The following LRP5 variants were observed in gnomAD, a reference collection of about 807,000 sequenced individuals.
LRP5 encodes the protein low-density lipoprotein receptor-related protein 5.
Under a neutral mutation model 154.1 loss-of-function variants are expected in LRP5, and 62 were observed. The observed-to-expected ratio is 0.40, with a 90% CI of 0.33 to 0.50. The LOEUF (loss-of-function observed/expected upper bound fraction) is 0.50, where lower values mean the gene tolerates loss of function less well. Among genes scored for constraint, LRP5 ranks in the 20% least tolerant of loss-of-function variants. The pLI is 0.55. For missense variants in LRP5, 1,915 were observed against 2,336.7 expected, an observed-to-expected ratio of 0.82 and a Z score of 3.72; for synonymous variants, 966 against 1,011.5, an observed-to-expected ratio of 0.96 and a Z score of 0.85.
chr11:68,385,735 T>C (rs1235403024), intron 5 of LRP5, among the ~76,000 whole-genome samples: 2 of 152,076 alleles, frequency 1.3e-5, no homozygotes, highest in Non-Finnish European at 2.9e-5. Context: ...AAGAGGGCGA[T>C]TCACTTGAAG....
Position 68,383,719 on chromosome 11 carries a change from G to A in LRP5, c.1016-2597G>A, listed in dbSNP as rs1220648792. 3.3e-5 allele frequency among the ~76,000 whole-genome samples: 5 copies of A among 152,224 alleles called. No homozygotes were observed. In the South Asian group the frequency reaches 1.0e-3, roughly 32 times the overall value. ...GTGCCAGGACCCCAGTGAGGGTGGC[G>A]CCCTCGCCATGAGGCCGACTGTTGG... is the stretch of plus-strand genomic sequence containing the variant. On this transcript the variant is annotated intron_variant, in intron 5 of 22. Coordinates refer to ENST00000294304, the MANE Select transcript of LRP5 (RefSeq NM_002335.4).
chr11:68,367,345 G>A (rs2098631651), intron 5 of LRP5, among the ~76,000 whole-genome samples: 1 of 152,202 alleles, frequency 6.6e-6, no homozygotes, highest in Non-Finnish European at 1.5e-5. Context: ...ACAGCAGGTG[G>A]CATAGTAGGT....
intron 2 of LRP5, among the ~76,000 whole-genome samples, chr11:68,352,256 T>C (rs578181121): frequency 1.3e-5 from 2 of 152,276 alleles, no homozygotes; most frequent in South Asian, 4.1e-4. Flanking sequence ...CTGGATTTGC[T>C]GGCACTCTGC....
Position 68,426,192 on chromosome 11 carries a change from G to A in LRP5, c.3637+5G>A, listed in dbSNP as rs762288444. On this transcript the variant is annotated splice_donor_5th_base_variant and intron_variant, in intron 16 of 22. Coordinates refer to ENST00000294304, the MANE Select transcript of LRP5 (RefSeq NM_002335.4). ...AAGTCAGCCTGGAGGAGTTCTGTAC[G>A]TGGGGGCTGGCAGTGGGGTGGGCAG... The A allele has an allele frequency of 3.4e-5, 54 of 1,609,536 alleles. No homozygotes were observed. Among genetic ancestry groups the A allele is most frequent in the Non-Finnish European group, 4.3e-5 (51 of 1,179,326 alleles).
At chr11:68,436,665 G>A (rs1021676474) in intron 18 of LRP5, among the ~76,000 whole-genome samples, 5 of 152,162 alleles carry the variant, frequency 3.3e-5, no homozygotes, top group African/African-American at 1.2e-4. Flanking sequence ...GGCAGGAGGT[G>A]CGTTGAGGTC....
rs139048239 is a variant in LRP5 at position 68,370,281 on chromosome 11, T to C, written c.1015+4579T>C. ...AAGGGCATTGCGCTCCTTCTGCAAA[T>C]GTAATTCCCAGTCTCCATGTCCAGG... On this transcript the variant is annotated intron_variant, in intron 5 of 22. Transcript: ENST00000294304. Among the ~76,000 whole-genome samples, 1,093 of 152,090 alleles carry C rather than the reference T, an allele frequency of 7.2e-3. 13 individuals are homozygous for C. Among genetic ancestry groups the C allele is most frequent in the African/African-American group, 0.025 (1,038 of 41,472 alleles).
In LRP5 at chr11:68,439,789, G is replaced by C. The variant is rs2098677119; in HGVS notation, c.4361G>C (p.Gly1454Ala). Residue 1454 changes from glycine to alanine, a missense_variant, in exon 21 of 23, where the codon GGA (glycine) becomes GCA (alanine). Gly to Ala is a moderately conservative substitution (Grantham distance 60). Transcript: ENST00000294304. Reference sequence around the variant, plus strand: ...CCTTCCCTGCCAGGCATCGCATGCGGAAAGTCCATGATGAGCTCCGTGAGC... The same window carrying C: ...CCTTCCCTGCCAGGCATCGCATGCGCAAAGTCCATGATGAGCTCCGTGAGC... ...QHGPFTGIAC[G>A]KSMMSSVSLM... is the part of the protein sequence containing the mutation. 5 of 1,611,374 alleles carry C rather than the reference G, an allele frequency of 3.1e-6. No homozygotes were observed. In the Admixed American group the frequency reaches 8.4e-5, roughly 27 times the overall value.
At position 68,447,005 on chromosome 11, in the gene LRP5, C is replaced by T. The variant is rs1262274051; in HGVS notation, c.4586+472C>T. On this transcript the variant is annotated intron_variant, in intron 22 of 22. Coordinates refer to ENST00000294304, the MANE Select transcript of LRP5 (RefSeq NM_002335.4). This position sits in a 1 kb window ranked among gnomAD's most constrained non-coding sequence, Gnocchi z 4.3. ...TGTGACGTCACCAGGATGGTCCGGG[C>T]TGCTCACTTGCCACAGTGGCCTGTT... 4 of 207,290 alleles carry T rather than the reference C, an allele frequency of 1.9e-5. No homozygotes were observed. In the East Asian group the frequency reaches 5.1e-4, roughly 26 times the overall value. 12.8% of individuals were successfully genotyped at this position (207,290 alleles called of 1,614,324 possible). A position where few individuals can be genotyped will look rare whatever the true frequency, so the allele number is the denominator to read the frequency against.
At chr11:68,363,702 G>A (rs773490977) in intron 3 of LRP5, 45 bp from the exon 4 acceptor site, 3 of 1,518,478 alleles carry the variant, frequency 2.0e-6, no homozygotes, top group Non-Finnish European at 2.7e-6. Context: ...ATGACTGTCG[G>A]GGGACCCTCC....
chr11:68,330,054 G>A (rs183991076), intron 1 of LRP5, among the ~76,000 whole-genome samples: 1 of 152,276 alleles, frequency 6.6e-6, no homozygotes, highest in East Asian at 1.9e-4. Context: ...ATATTCCCTA[G>A]CAGCTTGTCC....
intron 6 of LRP5, among the ~76,000 whole-genome samples, 170 bp from the exon 7 acceptor site, chr11:68,389,711 C>A (rs1194649775): frequency 6.7e-6 from 1 of 150,302 alleles, no homozygotes; most frequent in Non-Finnish European, 1.5e-5. Flanking sequence ...CTGATGTTTA[C>A]CAACACCGAC....
chr11:68,365,195 G>T (rs546858966), intron 4 of LRP5, among the ~76,000 whole-genome samples: 4 of 152,212 alleles, frequency 2.6e-5, no homozygotes, highest in Admixed American at 2.6e-4. Context: ...AGCCTTTGCA[G>T]AGGGGTGTCC....
rs539718603 is a variant in LRP5 at position 68,374,142 on chromosome 11, G to A, written c.1015+8440G>A. On this transcript the variant is annotated intron_variant, in intron 5 of 22. Transcript: ENST00000294304. ...AAGTCGGGGATGGAGTGGGGGCAGCGGGAGGAACAGAGGGGGCCACTGTCG... is the reference window on the plus strand; with the variant it reads ...AAGTCGGGGATGGAGTGGGGGCAGCAGGAGGAACAGAGGGGGCCACTGTCG... Among the ~76,000 whole-genome samples the A allele has an allele frequency of 5.9e-5, 9 of 152,304 alleles. No homozygotes were observed. In the East Asian group the frequency reaches 7.7e-4, roughly 13 times the overall value.
intron 5 of LRP5, among the ~76,000 whole-genome samples, chr11:68,382,683 C>CAT (rs2098640896): frequency 6.6e-6 from 1 of 152,086 alleles, no homozygotes; most frequent in Non-Finnish European, 1.5e-5. Context: ...AAGTGAAAAA[C>CAT]GCACTTCCTG....
At chr11:68,441,959 C>CA (rs2098678410) in intron 21 of LRP5, among the ~76,000 whole-genome samples, 1 of 152,190 alleles carries the variant, frequency 6.6e-6, no homozygotes, top group Non-Finnish European at 1.5e-5. Flanking sequence ...TCAAAAGATA[C>CA]AGAAGAGTCT....
At chr11:68,391,028 C>T (rs149675566) in intron 7 of LRP5, among the ~76,000 whole-genome samples, 1,809 of 152,308 alleles carry the variant, frequency 0.012, 36 homozygotes, top group African/African-American at 0.042. Context: ...AGTGCAGTGG[C>T]GCGATCTCAG....
Position 68,436,899 on chromosome 11 carries a change from G to T in LRP5, c.4011G>T (p.Leu1337=), listed in dbSNP as rs764105501. 6.2e-7 allele frequency: 1 copy of T among 1,613,480 alleles called. No homozygotes were observed. The highest frequency in any genetic ancestry group is 8.5e-7 in the Non-Finnish European group (1 of 1,179,856). Residue 1337 remains leucine, a synonymous_variant, in exon 19 of 23, where the codon CTG becomes CTT. Coordinates refer to ENST00000294304, the MANE Select transcript of LRP5 (RefSeq NM_002335.4). ...GGCCTCTCCTTGCAGCCATCTGCCT[G>T]CCCAACCAGTTCCGGTGTGCGAGCG... The part of the protein sequence containing the change: ...SDEADCDAIC[L]PNQFRCASGQ...
intron 1 of LRP5, among the ~76,000 whole-genome samples, chr11:68,325,295 G>C (rs191290853): frequency 6.6e-6 from 1 of 152,314 alleles, no homozygotes; most frequent in South Asian, 2.1e-4. Flanking sequence ...AAAGGCAGAC[G>C]GGAATGCAGA....
At chr11:68,429,996 A>T (rs1172899464) in intron 17 of LRP5, among the ~76,000 whole-genome samples, 2 of 152,208 alleles carry the variant, frequency 1.3e-5, no homozygotes, top group Admixed American at 1.3e-4. Context: ...TGTGTTATTT[A>T]GAAGTGTTGC....
Sources: gnomAD v4.1 joint callset for allele counts (sites outside exome capture counted in the v4.1 genomes callset) on GRCh38, gnomAD v4.1.1 for gene constraint, Gnocchi (gnomAD v3.1) non-coding constraint, MANE v1.5 for transcripts, NCBI Gene and HGNC (gene_info 2026-07-23, HGNC 2026-07-21) for gene names.